The following DLG1 variants were observed in gnomAD, a reference collection of about 807,000 sequenced individuals.
The protein encoded by DLG1 is discs large MAGUK scaffold protein 1, also known as disks large homolog 1.
A neutral mutation model predicts 123.4 loss-of-function variants in DLG1; 42 were observed. The observed-to-expected ratio is 0.34, with a 90% CI of 0.27 to 0.44. The LOEUF is 0.44. Ranked by LOEUF, DLG1 falls within the 20% of genes least tolerant of loss-of-function variation. The pLI is 1.00. For missense variants in DLG1, 942 were observed against 1,082.6 expected (o/e 0.87, Z 1.82); for synonymous variants, 317 against 356.2 (o/e 0.89, Z 1.24).
chr3:197,080,521 G>T (rs1246314811), intron 17 of DLG1: 3 of 148,430 alleles, frequency 2.0e-5, no homozygotes, highest in Non-Finnish European at 4.4e-5. Flanking sequence ...GAGCACAGAG[G>T]TGCGATCTGG....
chr3:197,217,365 TCCTC>T (rs895256944), intron 4 of DLG1, among the ~76,000 whole-genome samples: 61 of 152,340 alleles, frequency 4.0e-4, no homozygotes, highest in African/African-American at 1.3e-3. Flanking sequence ...ACAATGAATG[TCCTC>T]CCTACTTCAA....
At chr3:197,061,709 T>C (rs2148840307) in intron 22 of DLG1, among the ~76,000 whole-genome samples, 1 of 152,290 alleles carries the variant, frequency 6.6e-6, no homozygotes, top group East Asian at 1.9e-4. Context: ...GTTACACATT[T>C]TTGGCAGGAA....
At chr3:197,297,491 GA>G in intron 1 of DLG1, 1 of 1,299,582 alleles carries the variant, frequency 7.7e-7, no homozygotes, top group Non-Finnish European at 9.8e-7. Flanking sequence ...CCTCCCCAAA[GA>G]GCCTAGACCT....
chr3:197,064,195 A>AT (rs58846947), intron 22 of DLG1, among the ~76,000 whole-genome samples: 2,349 of 115,974 alleles, frequency 0.02, 39 homozygotes, highest in African/African-American at 0.056. Context: ...GCCTGGCCTT[A>AT]TTTTTTTTTT....
At position 197,043,903 on chromosome 3, in the gene DLG1, A is replaced by C. The variant is rs1048416144; in HGVS notation, c.*720T>G. ...CACCTGAACATGGCCTCAATTCACGAAATGTGATGATCATTTACATATGAA... is the reference window on the plus strand; with the variant it reads ...CACCTGAACATGGCCTCAATTCACGCAATGTGATGATCATTTACATATGAA... On this transcript the variant is annotated 3_prime_UTR_variant, in exon 25 of 25. Transcript: ENST00000667157. The C allele has an allele frequency of 1.3e-5, 2 of 152,168 alleles. No individual in the cohort carries two copies. The highest frequency in any genetic ancestry group is 4.8e-5 in the African/African-American group (2 of 41,434). 9.4% of individuals were successfully genotyped at this position (152,168 alleles called of 1,614,324 possible).
chr3:197,231,676 G>A (rs1177420925), intron 4 of DLG1, among the ~76,000 whole-genome samples: 1 of 147,232 alleles, frequency 6.8e-6, no homozygotes. Context: ...TTCCAGCCTG[G>A]GGAAGAGAAC....
At chr3:197,090,820 G>T in intron 15 of DLG1, 92 bp downstream of exon 15, 2 of 704,088 alleles carry the variant, frequency 2.8e-6, no homozygotes, top group South Asian at 2.6e-5. Flanking sequence ...ATTTTCTTAC[G>T]GTAAAACTAA....
chr3:197,108,206 G>A (rs186481263), intron 13 of DLG1, among the ~76,000 whole-genome samples: 2 of 152,228 alleles, frequency 1.3e-5, no homozygotes, highest in East Asian at 1.9e-4. Context: ...GATCCAGGTT[G>A]TTATTTTGTT....
chr3:197,298,616 TC>T (rs1371704647), upstream of DLG1: 2 of 187,140 alleles, frequency 1.1e-5, no homozygotes, highest in Non-Finnish European at 2.1e-5. Context: ...CGGGGGTAGA[TC>T]CCCACCGGGG....
intron 4 of DLG1, among the ~76,000 whole-genome samples, chr3:197,275,563 A>T (rs546669270): frequency 6.6e-6 from 1 of 152,274 alleles, no homozygotes. Context: ...TTATTTAGCC[A>T]TAACACAGCA....
At chr3:197,085,358 C>A in intron 16 of DLG1, 2 of 499,662 alleles carry the variant, frequency 4.0e-6, no homozygotes, top group South Asian at 2.1e-5. Context: ...ATTTCCCCAT[C>A]CTCCTAACCC....
chr3:197,044,580 G>C lies in DLG1; in HGVS notation c.*43C>G, dbSNP rs1215443164. ...GAGGAAAGGGCAAAGAGATGCCAAA[G>C]AAAATGGAATTGTGGAAAAGAGAAA... On this transcript the variant is annotated 3_prime_UTR_variant, in exon 25 of 25. Transcript: ENST00000667157. 7.0e-7 allele frequency: 1 copy of C among 1,423,860 alleles called. No homozygotes were observed. The highest frequency in any genetic ancestry group is 9.9e-7 in the Non-Finnish European group (1 of 1,014,586). The allele number at this position is 1,423,860 out of a possible 1,614,324, so 88.2% of individuals were successfully genotyped here. A position where few individuals can be genotyped will look rare whatever the true frequency, so the allele number is the denominator to read the frequency against.
chr3:197,052,128 A>T (rs2148716944), intron 23 of DLG1, among the ~76,000 whole-genome samples: 1 of 151,862 alleles, frequency 6.6e-6, no homozygotes, highest in Admixed American at 6.6e-5. Context: ...GATGTGAGCC[A>T]CCGAGCCCAG....
At chr3:197,187,086 A>G (rs1716526516) in intron 5 of DLG1, among the ~76,000 whole-genome samples, 1 of 152,240 alleles carries the variant, frequency 6.6e-6, no homozygotes, top group Admixed American at 6.5e-5. Context: ...AAGACTGAGA[A>G]GAGTGACAAG....
At chr3:197,088,502 A>T (rs1456734050) in intron 15 of DLG1, among the ~76,000 whole-genome samples, 1 of 152,180 alleles carries the variant, frequency 6.6e-6, no homozygotes, top group East Asian at 1.9e-4. Context: ...TTTTCGCAGG[A>T]ATTTACTGGA....
intron 3 of DLG1, among the ~76,000 whole-genome samples, chr3:197,283,710 T>A (rs1374629736): frequency 6.6e-6 from 1 of 152,160 alleles, no homozygotes; most frequent in Admixed American, 6.5e-5. Flanking sequence ...AAAGTGGGCA[T>A]TACCCTGTAT....
chr3:197,263,863 G>GGTGACC (rs1347677957), intron 4 of DLG1, among the ~76,000 whole-genome samples: 2 of 152,034 alleles, frequency 1.3e-5, no homozygotes, highest in Admixed American at 1.3e-4. Flanking sequence ...GGGATAGCAG[G>GGTGACC]GTGACCACAA....
intron 5 of DLG1, among the ~76,000 whole-genome samples, chr3:197,175,289 T>A (rs984660400): frequency 6.6e-6 from 1 of 152,160 alleles, no homozygotes; most frequent in Non-Finnish European, 1.5e-5. Context: ...GCTATAAAAA[T>A]GGAGGGCTGG....
chr3:197,289,634 C>A (rs1773847504), intron 3 of DLG1, among the ~76,000 whole-genome samples: 1 of 152,058 alleles, frequency 6.6e-6, no homozygotes, highest in Non-Finnish European at 1.5e-5. Flanking sequence ...TCAGACAATA[C>A]CCAATTGAGT....
Sources: allele counts gnomAD v4.1 joint callset (sites outside exome capture counted in the v4.1 genomes callset), GRCh38; gene constraint gnomAD v4.1.1; transcripts MANE v1.5; gene names NCBI Gene and HGNC (gene_info 2026-07-23, HGNC 2026-07-21).